The following BAALC variants were observed in gnomAD, a reference collection of about 807,000 sequenced individuals.
BAALC encodes the protein brain and acute leukemia cytoplasmic protein.
In BAALC, 9 loss-of-function variants were observed where a neutral mutation model predicts 15.5. That is an observed-to-expected ratio of 0.58 (90% CI 0.35 to 1.02). The LOEUF (loss-of-function observed/expected upper bound fraction) is 1.02. BAALC is among the 50% of genes least tolerant of loss of function. The pLI, the probability that BAALC is intolerant of heterozygous loss-of-function variation, is 0.02. For synonymous variants in BAALC, 80 were observed against 74.6 expected (o/e 1.07, Z -0.37); for missense variants, 201 against 192.4 (o/e 1.04, Z -0.27).
intron 2 of BAALC, among the ~76,000 whole-genome samples, chr8:103,220,411 A>C (rs1262795332): frequency 6.6e-6 from 1 of 152,222 alleles, no homozygotes. Flanking sequence ...CAATGCACAC[A>C]GTTTCTGTTC....
chr8:103,183,258 G>C (rs16870235), intron 1 of BAALC: 55,401 of 678,060 alleles, frequency 0.082, 3,015 homozygotes, highest in Non-Finnish European at 0.12. Context: ...AGAGTCCTTT[G>C]TCAGAATCCC....
chr8:103,167,253 T>C (rs1483790546), intron 1 of BAALC, among the ~76,000 whole-genome samples: 2 of 152,188 alleles, frequency 1.3e-5, no homozygotes, highest in Non-Finnish European at 1.5e-5. Flanking sequence ...TCAACAATTA[T>C]GTAGGGTGCG....
At chr8:103,199,962 T>A (rs1345213183) in intron 1 of BAALC, among the ~76,000 whole-genome samples, 1 of 152,218 alleles carries the variant, frequency 6.6e-6, no homozygotes, top group Admixed American at 6.5e-5. Flanking sequence ...TCCATCTCCA[T>A]CCATGTTACT....
chr8:103,161,874 G>A (rs1178638752), intron 1 of BAALC, among the ~76,000 whole-genome samples: 2 of 152,096 alleles, frequency 1.3e-5, no homozygotes, highest in Non-Finnish European at 2.9e-5. Context: ...GAATGAAGTT[G>A]CCATCTTTTT....
chr8:103,219,718 G>T (rs1486583951), intron 2 of BAALC, among the ~76,000 whole-genome samples: 1 of 152,168 alleles, frequency 6.6e-6, no homozygotes, highest in Non-Finnish European at 1.5e-5. Flanking sequence ...AATATCCCCT[G>T]ACTGACCTTG....
chr8:103,213,447 GA>G, intron 2 of BAALC: 1 of 170,604 alleles, frequency 5.9e-6, no homozygotes, highest in Non-Finnish European at 1.3e-5. Flanking sequence ...GTGGGCAGAG[GA>G]AGGAAAGAGA....
At chr8:103,204,219 T>C (rs1335507045) in intron 1 of BAALC, among the ~76,000 whole-genome samples, 1 of 152,224 alleles carries the variant, frequency 6.6e-6, no homozygotes, top group African/African-American at 2.4e-5. Context: ...CATTTGCATA[T>C]CTTCTATAAA....
chr8:103,152,382 G>A (rs1356695583), intron 1 of BAALC, among the ~76,000 whole-genome samples: 6 of 151,866 alleles, frequency 4.0e-5, no homozygotes, highest in South Asian at 2.1e-4. Context: ...CCCCACACCC[G>A]CCCCCTCTGT....
intron 1 of BAALC, among the ~76,000 whole-genome samples, chr8:103,156,262 G>C (rs1224779748): frequency 1.3e-5 from 2 of 152,172 alleles, no homozygotes; most frequent in East Asian, 1.9e-4. Context: ...CTAGAATAAC[G>C]AACAGACAAT....
chr8:103,199,192 A>T (rs1812158895), intron 1 of BAALC, among the ~76,000 whole-genome samples: 1 of 152,182 alleles, frequency 6.6e-6, no homozygotes, highest in African/African-American at 2.4e-5. Flanking sequence ...AGTTATTTTG[A>T]TGTGCACATT....
chr8:103,165,291 G>T, intron 1 of BAALC, among the ~76,000 whole-genome samples: 1 of 152,126 alleles, frequency 6.6e-6, no homozygotes, highest in Non-Finnish European at 1.5e-5. Flanking sequence ...TTGGCATCTT[G>T]GGTGGGACTG....
At chr8:103,156,850 A>G (rs1338424739) in intron 1 of BAALC, 1 of 152,260 alleles carries the variant, frequency 6.6e-6, no homozygotes, top group Non-Finnish European at 1.5e-5. Flanking sequence ...GGGGGCTTCC[A>G]GCCATTATGT....
intron 1 of BAALC, among the ~76,000 whole-genome samples, chr8:103,160,318 T>C (rs1811195534): frequency 6.6e-6 from 1 of 152,182 alleles, no homozygotes; most frequent in African/African-American, 2.4e-5. Context: ...TTGGTTACTT[T>C]GGGTATGCCC....
chr8:103,151,861 G>A (rs559317985), intron 1 of BAALC, among the ~76,000 whole-genome samples: 17 of 151,960 alleles, frequency 1.1e-4, no homozygotes, highest in South Asian at 4.2e-4. Context: ...CATCTTTAGC[G>A]ATCCTTTCCT....
chr8:103,170,596 G>A (rs756070025), intron 1 of BAALC, among the ~76,000 whole-genome samples: 10 of 152,146 alleles, frequency 6.6e-5, no homozygotes, highest in Admixed American at 1.3e-4. Flanking sequence ...CACAGCCACC[G>A]CAAGCTAGGA....
intron 2 of BAALC, among the ~76,000 whole-genome samples, chr8:103,226,998 A>G (rs1317302318): frequency 6.6e-6 from 1 of 152,204 alleles, no homozygotes; most frequent in Non-Finnish European, 1.5e-5. Context: ...AAAGCCAACT[A>G]TGAAAACTTT....
chr8:103,188,800 A>G (rs1252854991), intron 1 of BAALC, among the ~76,000 whole-genome samples: 1 of 152,226 alleles, frequency 6.6e-6, no homozygotes, highest in East Asian at 1.9e-4. Context: ...GTGAGAAAGG[A>G]GTACATATAT....
intron 1 of BAALC, among the ~76,000 whole-genome samples, chr8:103,190,513 C>A (rs1012233559): frequency 1.2e-4 from 18 of 152,134 alleles, no homozygotes; most frequent in African/African-American, 4.3e-4. Context: ...GCCTATATTT[C>A]TGTTTTCTTG....
In BAALC at chr8:103,160,998, A is replaced by G. The variant is rs183633475; in HGVS notation, c.160+19941A>G. Reference sequence around the variant, plus strand: ...TCAATACTTTGCATCCTTCAATCCAATCAAGTTGACACTCAGTATTAACCA... The same window carrying G: ...TCAATACTTTGCATCCTTCAATCCAGTCAAGTTGACACTCAGTATTAACCA... On this transcript the variant is annotated intron_variant, in intron 1 of 2. Coordinates refer to ENST00000309982, the MANE Select transcript of BAALC (RefSeq NM_024812.3). Among the ~76,000 whole-genome samples the G allele has an allele frequency of 2.1e-4, 32 of 152,252 alleles. No individual in the cohort carries two copies. The East Asian group carries it at 4.4e-3, about 21-fold the overall frequency.
Sources: allele counts gnomAD v4.1 joint callset (sites outside exome capture counted in the v4.1 genomes callset), GRCh38; gene constraint gnomAD v4.1.1; transcripts MANE v1.5; gene names NCBI Gene and HGNC (gene_info 2026-07-23, HGNC 2026-07-21).